Variants in GNAQ observed in about 807,000 individuals in gnomAD.
GNAQ encodes guanine nucleotide-binding protein G(q) subunit alpha.
In GNAQ, 8 loss-of-function variants were observed where a neutral mutation model predicts 43.9. The ratio of observed to expected loss-of-function variants is 0.18; its 90% CI spans 0.11 to 0.33. The LOEUF (loss-of-function observed/expected upper bound fraction) is 0.33. Ranked by LOEUF, GNAQ falls within the 10% of genes least tolerant of loss-of-function variation. The pLI is 1.00. For missense variants in GNAQ, 158 were observed against 450.8 expected (o/e 0.35, Z 5.88); for synonymous variants, 155 against 170.7 (o/e 0.91, Z 0.71).
rs1290615682 is a variant in GNAQ, at chr9:77,781,807, T to TC, written c.735+12655dup. On this transcript the variant is annotated intron_variant, in intron 5 of 6. Transcript: ENST00000286548. ...GATGCAGAAGAAATGTTTGACAAAATCCAACACCCATTCATGATAAAAACT... is the reference window on the plus strand; with the variant it reads ...GATGCAGAAGAAATGTTTGACAAAATCCCAACACCCATTCATGATAAAAACT... Among the ~76,000 whole-genome samples, 5 of 151,984 alleles carry TC rather than the reference T, an allele frequency of 3.3e-5. No individual in the cohort carries two copies. The East Asian group carries it at 9.6e-4, about 29-fold the overall frequency.
chr9:77,734,677 T>C (rs190116727), intron 5 of GNAQ, among the ~76,000 whole-genome samples: 37 of 152,290 alleles, frequency 2.4e-4, no homozygotes, highest in African/African-American at 6.5e-4. Flanking sequence ...GACTCACTAA[T>C]TGATGCCAGG....
chr9:77,961,231 C>T (rs751370447), intron 1 of GNAQ, among the ~76,000 whole-genome samples: 12 of 152,146 alleles, frequency 7.9e-5, no homozygotes, highest in Non-Finnish European at 8.8e-5. Flanking sequence ...ACAAGGAGCA[C>T]AGGGATACAA....
At chr9:77,867,911 C>T (rs1428279942) in intron 2 of GNAQ, among the ~76,000 whole-genome samples, 6 of 152,162 alleles carry the variant, frequency 3.9e-5, no homozygotes, top group African/African-American at 1.2e-4. Context: ...TTTAGAAGAA[C>T]TCAAATATGC....
rs541643651 is a variant in GNAQ, at chr9:77,832,822, GA to G, written c.322-17053del. Among the ~76,000 whole-genome samples the G allele has an allele frequency of 5.7e-3, 862 of 152,252 alleles. 2 individuals are homozygous for G. The highest frequency in any genetic ancestry group is 8.7e-3 in the Non-Finnish European group (595 of 68,022). On this transcript the variant is annotated intron_variant, in intron 2 of 6. Coordinates refer to ENST00000286548, the MANE Select transcript of GNAQ (RefSeq NM_002072.5). ...TGCACAAGGCCCTAATCCAAGAGGA[GA>G]GGGGGGAGCTACACCCCCAGCTGTA... is the stretch of plus-strand genomic sequence containing the variant.
At chr9:77,982,628 C>T (rs1823381863) in intron 1 of GNAQ, among the ~76,000 whole-genome samples, 1 of 151,092 alleles carries the variant, frequency 6.6e-6, no homozygotes, top group African/African-American at 2.4e-5. Context: ...AGCACCTGAA[C>T]ATTTCAGGGG....
intron 2 of GNAQ, among the ~76,000 whole-genome samples, chr9:77,878,223 G>A (rs1014275271): frequency 2.1e-5 from 3 of 144,790 alleles, no homozygotes; most frequent in African/African-American, 7.9e-5. Flanking sequence ...GAGGTATTTG[G>A]TGTTTTTTTT....
chr9:78,009,420 C>T (rs1393024579), intron 1 of GNAQ, among the ~76,000 whole-genome samples: 5 of 152,306 alleles, frequency 3.3e-5, no homozygotes, highest in African/African-American at 7.2e-5. Flanking sequence ...GAAGAGCAGA[C>T]GTCCCTCTCT....
At chr9:77,903,225 C>A (rs1480262744) in intron 2 of GNAQ, among the ~76,000 whole-genome samples, 2 of 152,102 alleles carry the variant, frequency 1.3e-5, no homozygotes, top group Non-Finnish European at 2.9e-5. Context: ...GATCCCACTC[C>A]ATAAGTGGAC....
At chr9:78,002,338 A>G (rs2118554985) in intron 1 of GNAQ, among the ~76,000 whole-genome samples, 1 of 152,348 alleles carries the variant, frequency 6.6e-6, no homozygotes, top group South Asian at 2.1e-4. Context: ...AATATTTAAA[A>G]TATTTACAGA....
At chr9:77,833,120 C>T (rs566630441) in intron 2 of GNAQ, among the ~76,000 whole-genome samples, 1 of 152,254 alleles carries the variant, frequency 6.6e-6, no homozygotes, top group East Asian at 1.9e-4. Flanking sequence ...GCATGCACCA[C>T]CACACCTGGC....
intron 6 of GNAQ, among the ~76,000 whole-genome samples, chr9:77,723,755 T>A (rs995268229): frequency 1.3e-5 from 2 of 151,946 alleles, no homozygotes; most frequent in Admixed American, 6.6e-5. Context: ...AGACAGAAAG[T>A]AGATTAGAGG....
chr9:77,863,216 AAGGG>A (rs748887788), intron 2 of GNAQ, among the ~76,000 whole-genome samples: 7,015 of 149,026 alleles, frequency 0.047, 196 homozygotes, highest in South Asian at 0.095. Context: ...GGAAGGAAGG[AAGGG>A]AGGAAGGAAG....
At chr9:77,803,466 T>C (rs147774369) in intron 3 of GNAQ, among the ~76,000 whole-genome samples, 1,610 of 152,300 alleles carry the variant, frequency 0.011, 14 homozygotes, top group Non-Finnish European at 0.017. Context: ...ATCTTCTTGA[T>C]GGAAAAAAGG....
At position 77,744,218 on chromosome 9, in the gene GNAQ, G is replaced by T. The variant is rs28537127; in HGVS notation, c.736-15551C>A. Among the ~76,000 whole-genome samples the T allele has an allele frequency of 7.3e-3, 1,110 of 152,266 alleles. 19 individuals are homozygous for T. Among genetic ancestry groups the T allele is most frequent in the African/African-American group, 0.025 (1,058 of 41,546 alleles). ...TTGCTGAACAAGAATTAGTGTCACT[G>T]AACTAGGCTCGCACTTTGCACTGAG... On this transcript the variant is annotated intron_variant, in intron 5 of 6. Transcript: ENST00000286548.
chr9:77,888,248 G>A (rs1179110158), intron 2 of GNAQ, among the ~76,000 whole-genome samples: 4 of 152,028 alleles, frequency 2.6e-5, no homozygotes, highest in African/African-American at 4.8e-5. Context: ...TGGAATCCAC[G>A]ATAACTTTTT....
rs1228186506 is a variant in GNAQ, at chr9:78,002,888, C to T, written c.136+28212G>A. Among the ~76,000 whole-genome samples, 7 of 152,148 alleles carry T rather than the reference C, an allele frequency of 4.6e-5. No homozygotes were observed. The East Asian group carries it at 5.8e-4, about 13-fold the overall frequency. The stretch of plus-strand genomic sequence containing the variant: ...CTTTGAGGGCCGGTAGAAAATGTCA[C>T]ATTTCCTTTCAGTCTACCATAGCAT... On this transcript the variant is annotated intron_variant, in intron 1 of 6. Transcript: ENST00000286548.
At chr9:77,806,461 C>T (rs1032724546) in intron 3 of GNAQ, among the ~76,000 whole-genome samples, 4 of 152,108 alleles carry the variant, frequency 2.6e-5, no homozygotes, top group African/African-American at 9.7e-5. Flanking sequence ...ACCTTCTTTG[C>T]CTTTAGGGAT....
chr9:77,772,294 A>T (rs1233003813), intron 5 of GNAQ, among the ~76,000 whole-genome samples: 1 of 152,198 alleles, frequency 6.6e-6, no homozygotes, highest in Non-Finnish European at 1.5e-5. Context: ...GATGCTGCTC[A>T]TGACCCCATC....
Position 77,819,029 on chromosome 9 carries a change from A to AAAAAAAAAAAAAAAAAAAAAAG in GNAQ, c.322-3260_322-3259insCTTTTTTTTTTTTTTTTTTTTT, listed in dbSNP as rs1564120114. On this transcript the variant is annotated intron_variant, in intron 2 of 6. Coordinates refer to ENST00000286548, the MANE Select transcript of GNAQ (RefSeq NM_002072.5). ...AAAAAAAAAAAAAAAAAAAAAAAAA[A>AAAAAAAAAAAAAAAAAAAAAAG]CACCCAAAAATACCTAGTATGATTT... is the stretch of plus-strand genomic sequence containing the variant. 1.7e-5 allele frequency among the ~76,000 whole-genome samples: 2 copies of AAAAAAAAAAAAAAAAAAAAAAG among 119,184 alleles called. 1 individual carries two copies. Among genetic ancestry groups the AAAAAAAAAAAAAAAAAAAAAAG allele is most frequent in the South Asian group, 5.8e-4 (2 of 3,420 alleles). The allele number at this position is 119,184 out of a possible 152,430, so 78.2% of individuals were successfully genotyped here.
Sources: allele counts gnomAD v4.1 joint callset (sites outside exome capture counted in the v4.1 genomes callset), GRCh38; gene constraint gnomAD v4.1.1; transcripts MANE v1.5; gene names NCBI Gene and HGNC (gene_info 2026-07-23, HGNC 2026-07-21).